Variants in PCNX2 observed in about 807,000 individuals in gnomAD.
The protein encoded by PCNX2 is pecanex-like protein 2.
Under a neutral mutation model 223.8 loss-of-function variants are expected in PCNX2, and 168 were observed. The ratio of observed to expected loss-of-function variants is 0.75; its 90% CI spans 0.66 to 0.85. The LOEUF is 0.85. Ranked by LOEUF, PCNX2 falls within the 40% of genes least tolerant of loss-of-function variation. The pLI, the probability that PCNX2 is intolerant of heterozygous loss-of-function variation, is 0.00. For synonymous variants in PCNX2, 1,006 were observed against 1,052.6 expected (o/e 0.96, Z 0.86); for missense variants, 2,507 against 2,675.5 (o/e 0.94, Z 1.39).
At chr1:233,131,698 T>C (rs2102759655) in intron 21 of PCNX2, among the ~76,000 whole-genome samples, 1 of 152,334 alleles carries the variant, frequency 6.6e-6, no homozygotes, top group Admixed American at 6.5e-5. Flanking sequence ...TCCGACTTGC[T>C]GCCTACTTTC....
chr1:233,119,153 G>A (rs1675601611), intron 21 of PCNX2, among the ~76,000 whole-genome samples: 1 of 151,592 alleles, frequency 6.6e-6, no homozygotes, highest in East Asian at 1.9e-4. Flanking sequence ...ATATAAATAG[G>A]CAAAAAAATT....
intron 19 of PCNX2, among the ~76,000 whole-genome samples, chr1:233,147,979 A>G (rs1677565020): frequency 6.6e-6 from 1 of 152,218 alleles, no homozygotes; most frequent in Admixed American, 6.5e-5. Context: ...TAGGAACAGG[A>G]GAGTCACAAA....
Position 233,178,458 on chromosome 1 carries a change from G to C in PCNX2, c.3177-560C>G, listed in dbSNP as rs139497285. ...ATCACATGAAAGATTTCCAGTGCCA[G>C]AGTACACGTTACCAAAACTTAAAGA... On this transcript the variant is annotated intron_variant, in intron 16 of 33. Transcript: ENST00000258229. Among the ~76,000 whole-genome samples the C allele has an allele frequency of 1.2e-3, 185 of 152,278 alleles. 1 individual carries two copies. The highest frequency in any genetic ancestry group is 3.9e-3 in the African/African-American group (161 of 41,552).
chr1:233,246,169 A>G (rs939782191), intron 8 of PCNX2, among the ~76,000 whole-genome samples: 2 of 152,028 alleles, frequency 1.3e-5, no homozygotes, highest in African/African-American at 4.8e-5. Flanking sequence ...TGCCCTTCAG[A>G]TGGGATAAAT....
intron 17 of PCNX2, chr1:233,172,546 T>A (rs889145510): frequency 1.0e-6 from 1 of 985,070 alleles, no homozygotes; most frequent in Non-Finnish European, 1.2e-6. Flanking sequence ...TCTGAGAGTG[T>A]GGCACTTTGG....
chr1:233,018,675 T>C (rs758712776), intron 26 of PCNX2: 1 of 763,724 alleles, frequency 1.3e-6, no homozygotes, highest in African/African-American at 1.9e-5. Flanking sequence ...CCTGCCAGCG[T>C]GCACCGCAGT....
At chr1:233,204,836 T>C (rs891729028) in intron 13 of PCNX2, among the ~76,000 whole-genome samples, 1 of 152,200 alleles carries the variant, frequency 6.6e-6, no homozygotes, top group Non-Finnish European at 1.5e-5. Context: ...CTTGTCACTG[T>C]TGATAAGCAA....
chr1:233,293,660 A>G (rs946827106), intron 1 of PCNX2, among the ~76,000 whole-genome samples: 2 of 152,204 alleles, frequency 1.3e-5, no homozygotes, highest in African/African-American at 4.8e-5. Context: ...GAAGATGGGG[A>G]AGGATTAAAA....
rs561791660 is a variant in PCNX2, at chr1:233,083,152, C to T, written c.4076+6909G>A. Among the ~76,000 whole-genome samples, 6 of 152,268 alleles carry T rather than the reference C, an allele frequency of 3.9e-5. No homozygotes were observed. In the South Asian group the frequency reaches 1.2e-3, roughly 32 times the overall value. ...GCAGAATAGGTCCTTCTACTGAGAA[C>T]CAATTAGATGACCTCTGGAGCAAGG... On this transcript the variant is annotated intron_variant, in intron 23 of 33. Coordinates refer to ENST00000258229, the MANE Select transcript of PCNX2 (RefSeq NM_014801.4).
intron 15 of PCNX2, among the ~76,000 whole-genome samples, chr1:233,188,729 G>A (rs1244183149): frequency 6.6e-6 from 1 of 152,108 alleles, no homozygotes; most frequent in Non-Finnish European, 1.5e-5. Context: ...CACCATGTTG[G>A]TCAGGCTGGT....
chr1:233,137,313 A>G (rs1199674395), intron 20 of PCNX2, among the ~76,000 whole-genome samples: 1 of 151,612 alleles, frequency 6.6e-6, no homozygotes, highest in East Asian at 2.0e-4. Context: ...TGTGGGTGTG[A>G]GTGTGTTCTG....
chr1:233,178,797 C>T (rs1679631865), intron 16 of PCNX2, among the ~76,000 whole-genome samples: 1 of 152,196 alleles, frequency 6.6e-6, no homozygotes, highest in Non-Finnish European at 1.5e-5. Flanking sequence ...GTGCTATCGA[C>T]CCTCTGTTCC....
intron 21 of PCNX2, among the ~76,000 whole-genome samples, chr1:233,129,250 G>C (rs987176397): frequency 6.6e-6 from 1 of 152,222 alleles, no homozygotes; most frequent in African/African-American, 2.4e-5. Context: ...TAGCACCCGG[G>C]CCAGCAGCTG....
chr1:233,221,410 G>T (rs1444085028), intron 10 of PCNX2, among the ~76,000 whole-genome samples: 1 of 151,870 alleles, frequency 6.6e-6, no homozygotes, highest in South Asian at 2.1e-4. Context: ...TTCTGTTTGG[G>T]GAGGGCAAAG....
chr1:233,245,483 G>T (rs576395842), intron 8 of PCNX2, among the ~76,000 whole-genome samples: 1 of 152,228 alleles, frequency 6.6e-6, no homozygotes, highest in Non-Finnish European at 1.5e-5. Context: ...TCTGGATGCC[G>T]CACATGTGTG....
At chr1:233,131,018 G>A (rs182506419) in intron 21 of PCNX2, among the ~76,000 whole-genome samples, 1 of 152,260 alleles carries the variant, frequency 6.6e-6, no homozygotes, top group East Asian at 1.9e-4. Flanking sequence ...AAGCCCAAAG[G>A]ATTAGAGGCA....
chr1:233,254,920 A>G lies in PCNX2; in HGVS notation c.1835-2132T>C, dbSNP rs765989911. 5.9e-5 allele frequency among the ~76,000 whole-genome samples: 9 copies of G among 152,192 alleles called. No individual in the cohort carries two copies. In the East Asian group the frequency reaches 1.5e-3, roughly 26 times the overall value. On this transcript the variant is annotated intron_variant, in intron 5 of 33. Transcript: ENST00000258229. ...TTTCCATATTATAGACAATTTTTCA[A>G]TAAGCATTTCTATATACATTCATGA...
chr1:233,047,848 T>G (rs933173668), intron 25 of PCNX2, among the ~76,000 whole-genome samples: 2 of 152,252 alleles, frequency 1.3e-5, no homozygotes, highest in South Asian at 4.1e-4. Context: ...AATTTGACAC[T>G]TGACCAACTG....
intron 15 of PCNX2, among the ~76,000 whole-genome samples, chr1:233,194,328 A>T (rs1443251656): frequency 5.9e-5 from 6 of 101,138 alleles, no homozygotes; most frequent in Non-Finnish European, 1.2e-4. Context: ...GCAAAATGAG[A>T]TGTGTTTCAG....
Sources: allele counts gnomAD v4.1 joint callset (sites outside exome capture counted in the v4.1 genomes callset), GRCh38; gene constraint gnomAD v4.1.1; transcripts MANE v1.5; gene names NCBI Gene and HGNC (gene_info 2026-07-23, HGNC 2026-07-21).